ICA1: variants seen among roughly 807,000 people sequenced by gnomAD.
ICA1 encodes the protein islet cell autoantigen 1.
ICA1 carries 40 observed loss-of-function variants against 71.0 expected under a neutral mutation model. That is an observed-to-expected ratio of 0.56 (90% CI 0.44 to 0.73). ICA1 has a LOEUF of 0.73. Among genes scored for constraint, ICA1 ranks in the 30% least tolerant of loss-of-function variants. ICA1 has a pLI of 0.00. For synonymous variants in ICA1, 207 were observed against 209.5 expected (o/e 0.99, Z 0.10); for missense variants, 578 against 576.5 (o/e 1.00, Z -0.03).
chr7:8,244,200 T>C (rs1306559420), intron 1 of ICA1, among the ~76,000 whole-genome samples: 9 of 152,062 alleles, frequency 5.9e-5, no homozygotes, highest in Non-Finnish European at 7.4e-5. Context: ...GGTACTGGTA[T>C]GAAAACAGAG....
chr7:8,247,784 G>A (rs1207676601), intron 1 of ICA1, among the ~76,000 whole-genome samples: 1 of 152,182 alleles, frequency 6.6e-6, no homozygotes, highest in Non-Finnish European at 1.5e-5. Flanking sequence ...TTTCTTCAAG[G>A]CAGTGAAGTT....
intron 6 of ICA1, among the ~76,000 whole-genome samples, chr7:8,214,175 T>G (rs533199797): frequency 2.6e-5 from 4 of 152,226 alleles, no homozygotes; most frequent in Admixed American, 2.0e-4. Flanking sequence ...TTATCCCATT[T>G]AGAATAATTA....
At chr7:8,119,181 G>A (rs1785830057) in intron 13 of ICA1, among the ~76,000 whole-genome samples, 1 of 152,112 alleles carries the variant, frequency 6.6e-6, no homozygotes. Context: ...TATGCTCTTC[G>A]ATCCTATGGT....
intron 10 of ICA1, among the ~76,000 whole-genome samples, chr7:8,140,762 G>T (rs1454207493): frequency 6.6e-6 from 1 of 152,166 alleles, no homozygotes; most frequent in Non-Finnish European, 1.5e-5. Context: ...AGCATTAGAG[G>T]CAAAAAAGTG....
intron 13 of ICA1, among the ~76,000 whole-genome samples, chr7:8,120,780 T>A (rs1471194903): frequency 7.2e-5 from 11 of 152,232 alleles, no homozygotes; most frequent in African/African-American, 2.7e-4. Flanking sequence ...AAAGTCTAAA[T>A]CAGCCAGGCA....
At chr7:8,229,072 G>T (rs774186373) in intron 3 of ICA1, among the ~76,000 whole-genome samples, 1 of 151,834 alleles carries the variant, frequency 6.6e-6, no homozygotes, top group Non-Finnish European at 1.5e-5. Flanking sequence ...TTTAATGGGG[G>T]ATCTGTCAAT....
chr7:8,242,277 A>C (rs1269676904), intron 1 of ICA1, among the ~76,000 whole-genome samples: 2 of 152,216 alleles, frequency 1.3e-5, no homozygotes, highest in African/African-American at 4.8e-5. Flanking sequence ...AAAATGACAC[A>C]ACTACATGCA....
In ICA1 at chr7:8,132,058, C is replaced by G. The variant is rs1405441673; in HGVS notation, c.1061-3916G>C. On this transcript the variant is annotated intron_variant, in intron 12 of 13. Coordinates refer to ENST00000402384, the MANE Select transcript of ICA1 (RefSeq NM_001136020.3). This position sits in a 1 kb window ranked among gnomAD's most constrained non-coding sequence, Gnocchi z 4.5. ...ACACCAAGTTCCCTTCACTCTCTTG[C>G]AGGCTCCCAAGTCTCTGTGTTTACT... Among the ~76,000 whole-genome samples the G allele has an allele frequency of 1.3e-5, 2 of 152,330 alleles. No individual in the cohort carries two copies. The highest frequency in any genetic ancestry group is 3.9e-4 in the East Asian group (2 of 5,184).
At chr7:8,133,960 A>G (rs1325057413) in intron 12 of ICA1, among the ~76,000 whole-genome samples, 2 of 151,956 alleles carry the variant, frequency 1.3e-5, no homozygotes, top group Non-Finnish European at 2.9e-5. Context: ...ATGACACAAA[A>G]TTTATTAGTT....
rs1215311670 is a variant in ICA1 at position 8,234,766 on chromosome 7, G to A, written c.17+1144C>T. ...AAATAAGATAATGTATAAAACTTAT[G>A]TAAAAGATAATCTCTCTATAGAATA... On this transcript the variant is annotated intron_variant, in intron 2 of 13. Coordinates refer to ENST00000402384, the MANE Select transcript of ICA1 (RefSeq NM_001136020.3). The surrounding 1 kb of genome is among the most constrained non-coding windows in gnomAD (Gnocchi z 4.5). 6.6e-6 allele frequency among the ~76,000 whole-genome samples: 1 copy of A among 152,156 alleles called. No homozygotes were observed. The highest frequency in any genetic ancestry group is 2.4e-5 in the African/African-American group (1 of 41,432).
At position 8,188,765 on chromosome 7, in the gene ICA1, CT is replaced by C. The variant is rs367910566; in HGVS notation, c.579+29539del. Among the ~76,000 whole-genome samples the C allele has an allele frequency of 8.6e-4, 131 of 152,240 alleles. 2 individuals carry two copies. The East Asian group carries it at 0.023, about 26-fold the overall frequency. On this transcript the variant is annotated intron_variant, in intron 6 of 13. Coordinates refer to ENST00000402384, the MANE Select transcript of ICA1 (RefSeq NM_001136020.3). The stretch of plus-strand genomic sequence containing the variant: ...GGCCCCAAGGAGAGCAAGAGAGAAC[CT>C]TTTTTGGCCATGGCTCCCTAGGGCA...
In ICA1 at chr7:8,144,081, C is replaced by T; in HGVS notation, c.805-109G>A. The stretch of plus-strand genomic sequence containing the variant: ...TTAAAAAATTCAACTGCCATTTGTC[C>T]CAGCAACCAAACTTTGAATTACAGG... On this transcript the variant is annotated intron_variant, in intron 8 of 13. Transcript: ENST00000402384. This position sits in a 1 kb window ranked among gnomAD's most constrained non-coding sequence, Gnocchi z 4.5. 1.5e-6 allele frequency: 1 copy of T among 659,986 alleles called. No homozygotes were observed. The highest frequency in any genetic ancestry group is 2.6e-6 in the Non-Finnish European group (1 of 386,792). The allele number at this position is 659,986 out of a possible 1,614,324, so 40.9% of individuals were successfully genotyped here.
chr7:8,179,166 A>G (rs146694984), intron 6 of ICA1, among the ~76,000 whole-genome samples: 473 of 152,284 alleles, frequency 3.1e-3, no homozygotes, highest in Non-Finnish European at 5.3e-3. Flanking sequence ...GAGTCTCTAA[A>G]TGACTTCTTA....
At chr7:8,125,266 G>A (rs1487970462) in intron 13 of ICA1, among the ~76,000 whole-genome samples, 1 of 152,178 alleles carries the variant, frequency 6.6e-6, no homozygotes, top group African/African-American at 2.4e-5. Flanking sequence ...CAACAGCTAT[G>A]AGTCCCTGTG....
intron 4 of ICA1, among the ~76,000 whole-genome samples, chr7:8,224,773 T>C (rs1438454596): frequency 1.3e-5 from 2 of 152,242 alleles, no homozygotes; most frequent in African/African-American, 4.8e-5. Flanking sequence ...TCCTTAAATC[T>C]GTGACCGTTC....
Position 8,126,399 on chromosome 7 carries a change from C to T in ICA1, c.1330+1474G>A, listed in dbSNP as rs1035061186. On this transcript the variant is annotated intron_variant, in intron 13 of 13. Transcript: ENST00000402384. ...AGCTCCCGTGAATGAGGTGGTGAAA[C>T]CTGGGGTGAAACTCAGGGTGGAGAA... Among the ~76,000 whole-genome samples, 7 of 152,218 alleles carry T rather than the reference C, an allele frequency of 4.6e-5. No individual in the cohort carries two copies. The East Asian group carries it at 9.6e-4, about 21-fold the overall frequency.
chr7:8,225,924 T>C (rs1798454280), intron 4 of ICA1, among the ~76,000 whole-genome samples: 2 of 152,190 alleles, frequency 1.3e-5, no homozygotes, highest in Non-Finnish European at 2.9e-5. Context: ...AATTTACCAA[T>C]GAGAGTACGG....
Position 8,215,807 on chromosome 7 carries a change from C to T in ICA1, c.579+2498G>A, listed in dbSNP as rs181811477. ...AAGACGTGAAGGTGGCAGCCGGCCC[C>T]GAGGAGACTGAAACTCCCCCTCCCA... On this transcript the variant is annotated intron_variant, in intron 6 of 13. Transcript: ENST00000402384. 3.3e-5 allele frequency among the ~76,000 whole-genome samples: 5 copies of T among 152,308 alleles called. No homozygotes were observed. In the East Asian group the frequency reaches 5.8e-4, roughly 18 times the overall value.
intron 6 of ICA1, among the ~76,000 whole-genome samples, chr7:8,176,980 G>C (rs767060308): frequency 1.2e-4 from 18 of 152,100 alleles, no homozygotes; most frequent in Admixed American, 2.6e-4. Context: ...CCAAATCTCC[G>C]AACAGCGAGA....
Sources: allele counts gnomAD v4.1 joint callset (sites outside exome capture counted in the v4.1 genomes callset), GRCh38; gene constraint gnomAD v4.1.1; non-coding constraint Gnocchi (gnomAD v3.1); transcripts MANE v1.5; gene names NCBI Gene and HGNC (gene_info 2026-07-23, HGNC 2026-07-21).